Variants in PRKG1 observed in about 807,000 individuals in gnomAD.
PRKG1 encodes cGMP-dependent protein kinase 1.
Under a neutral mutation model 88.1 loss-of-function variants are expected in PRKG1, and 35 were observed. The ratio of observed to expected loss-of-function variants is 0.40; its 90% confidence interval spans 0.30 to 0.53. The LOEUF (loss-of-function observed/expected upper bound fraction) is 0.53. Among genes scored for constraint, PRKG1 ranks in the 20% least tolerant of loss-of-function variants. PRKG1 has a pLI of 0.59. For synonymous variants in PRKG1, 303 were observed against 292.5 expected (o/e 1.04, Z -0.37); for missense variants, 540 against 839.8 (o/e 0.64, Z 4.41).
chr10:51,120,077 TTTTTTAA>T (rs1845224168), intron 1 of PRKG1, among the ~76,000 whole-genome samples: 1 of 152,136 alleles, frequency 6.6e-6, no homozygotes, highest in Admixed American at 6.6e-5. Context: ...TTGAGAATTT[TTTTTTAA>T]CTTTTAAGAA....
At chr10:51,575,538 G>T in intron 3 of PRKG1, among the ~76,000 whole-genome samples, 1 of 151,832 alleles carries the variant, frequency 6.6e-6, no homozygotes, top group East Asian at 1.9e-4. Flanking sequence ...GGGAAGACCT[G>T]ATTCTTCTTT....
At chr10:51,790,052 A>T (rs999153534) in intron 3 of PRKG1, among the ~76,000 whole-genome samples, 5 of 152,024 alleles carry the variant, frequency 3.3e-5, no homozygotes, top group Non-Finnish European at 7.4e-5. Flanking sequence ...CGAACTCCTG[A>T]CCCCAAGTAA....
At chr10:51,179,236 C>G (rs1023400131) in intron 2 of PRKG1, among the ~76,000 whole-genome samples, 4 of 152,170 alleles carry the variant, frequency 2.6e-5, no homozygotes, top group Non-Finnish European at 5.9e-5. Context: ...GTAGAACATG[C>G]ACTAGCTTTA....
intron 2 of PRKG1, among the ~76,000 whole-genome samples, chr10:51,464,880 G>C: frequency 9.1e-6 from 1 of 109,542 alleles, no homozygotes; most frequent in Non-Finnish European, 1.8e-5. Context: ...GACAGAGCGA[G>C]ACTCCGTCTC....
At chr10:52,149,050 A>G (rs1837823340) in intron 8 of PRKG1, among the ~76,000 whole-genome samples, 1 of 150,902 alleles carries the variant, frequency 6.6e-6, no homozygotes, top group Admixed American at 6.6e-5. Flanking sequence ...CAACAAAACA[A>G]TAAGAAAGAT....
chr10:51,339,173 C>T (rs1278960615), intron 2 of PRKG1, among the ~76,000 whole-genome samples: 1 of 152,066 alleles, frequency 6.6e-6, no homozygotes, highest in Admixed American at 6.6e-5. Flanking sequence ...TTTCTTTGAC[C>T]TTCTCCTTTA....
At chr10:52,216,617 T>G (rs755881955) in intron 9 of PRKG1, among the ~76,000 whole-genome samples, 1 of 152,186 alleles carries the variant, frequency 6.6e-6, no homozygotes, top group Non-Finnish European at 1.5e-5. Flanking sequence ...TGCAGAGCAT[T>G]GTAGATAGAT....
chr10:51,202,151 C>T (rs904117423), intron 2 of PRKG1, among the ~76,000 whole-genome samples: 5 of 152,200 alleles, frequency 3.3e-5, no homozygotes, highest in Non-Finnish European at 5.9e-5. Context: ...TTCACACCTA[C>T]ACTCTTCCTC....
intron 5 of PRKG1, among the ~76,000 whole-genome samples, chr10:52,016,181 A>G (rs76574915): frequency 0.045 from 6,831 of 152,312 alleles, 374 homozygotes; most frequent in African/African-American, 0.13. Context: ...CTATAAGGAT[A>G]CTACCTAAGA....
At chr10:51,815,533 G>A (rs1839562141) in intron 4 of PRKG1, among the ~76,000 whole-genome samples, 1 of 152,058 alleles carries the variant, frequency 6.6e-6, no homozygotes, top group Non-Finnish European at 1.5e-5. Flanking sequence ...AAATCCTGCT[G>A]AGGTGCAAAA....
At chr10:52,287,698 T>TAAAAAAAAA (rs34027188) in intron 14 of PRKG1, among the ~76,000 whole-genome samples, 1 of 138,118 alleles carries the variant, frequency 7.2e-6, no homozygotes. Context: ...ATGGATCAGT[T>TAAAAAAAAA]AAAAAAAAAA....
rs1213507118 is a variant in PRKG1, at chr10:52,295,197, T to C, written c.*1297T>C. On this transcript the variant is annotated 3_prime_UTR_variant, in exon 18 of 18. Transcript: ENST00000373980. ...TTAATATTTACAGGTTTACCAGATC[T>C]GGAACATTACTTATTTGAGGTCAGA... 6.6e-6 allele frequency: 1 copy of C among 152,106 alleles called. No individual in the cohort carries two copies. Among genetic ancestry groups the C allele is most frequent in the Admixed American group, 6.6e-5 (1 of 15,230 alleles). 9.4% of individuals were successfully genotyped at this position (152,106 alleles called of 1,614,324 possible).
intron 7 of PRKG1, among the ~76,000 whole-genome samples, chr10:52,069,829 ATAT>A (rs1448877127): frequency 1.3e-5 from 2 of 151,650 alleles, no homozygotes; most frequent in African/African-American, 4.8e-5. Flanking sequence ...CCCATGTGAA[ATAT>A]TATTCTGTTT....
chr10:51,557,763 C>A (rs1351779372), intron 3 of PRKG1, among the ~76,000 whole-genome samples: 1 of 151,958 alleles, frequency 6.6e-6, no homozygotes, highest in African/African-American at 2.4e-5. Flanking sequence ...AAGACCATGC[C>A]TCAGAGTGTG....
chr10:51,810,789 G>A (rs567087144), intron 4 of PRKG1, among the ~76,000 whole-genome samples: 5 of 152,168 alleles, frequency 3.3e-5, no homozygotes, highest in Admixed American at 1.3e-4. Context: ...TCAATTTTAT[G>A]TTGAGATCAC....
chr10:51,597,383 T>C (rs1193778128), intron 3 of PRKG1, among the ~76,000 whole-genome samples: 3 of 152,206 alleles, frequency 2.0e-5, no homozygotes, highest in Non-Finnish European at 4.4e-5. Flanking sequence ...CAACTGTATG[T>C]GGCTACTCTA....
At chr10:51,958,352 G>C (rs1270114641) in intron 5 of PRKG1, among the ~76,000 whole-genome samples, 1 of 152,138 alleles carries the variant, frequency 6.6e-6, no homozygotes, top group Non-Finnish European at 1.5e-5. Context: ...AACAAAAAAA[G>C]AAAATCCAGG....
At chr10:51,162,884 T>A (rs1202304981) in intron 2 of PRKG1, among the ~76,000 whole-genome samples, 2 of 152,068 alleles carry the variant, frequency 1.3e-5, no homozygotes, top group Non-Finnish European at 2.9e-5. Flanking sequence ...TACCCATCTA[T>A]TTTTTTGGAT....
intron 7 of PRKG1, among the ~76,000 whole-genome samples, chr10:52,107,271 CCT>C (rs1312037359): frequency 6.6e-6 from 1 of 152,190 alleles, no homozygotes; most frequent in African/African-American, 2.4e-5. Flanking sequence ...CCTCAAAAAT[CCT>C]CTTTTGAGAA....
Sources: gnomAD v4.1 joint callset for allele counts (sites outside exome capture counted in the v4.1 genomes callset) on GRCh38, gnomAD v4.1.1 for gene constraint, MANE v1.5 for transcripts, NCBI Gene and HGNC (gene_info 2026-07-23, HGNC 2026-07-21) for gene names.